The following LSAMP variants were observed in gnomAD, a reference collection of about 807,000 sequenced individuals.
The protein encoded by LSAMP is limbic system-associated membrane protein.
In LSAMP, 7 loss-of-function variants were observed where a neutral mutation model predicts 38.6. That is an observed-to-expected ratio of 0.18 (90% confidence interval 0.10 to 0.34). LSAMP has a LOEUF of 0.34. Ranked by LOEUF, LSAMP falls within the 10% of genes least tolerant of loss-of-function variation. The pLI, the probability that LSAMP is intolerant of heterozygous loss-of-function variation, is 1.00. For synonymous variants in LSAMP, 154 were observed against 166.8 expected, an observed-to-expected ratio of 0.92 and a Z score of 0.59; for missense variants, 313 against 420.0, an observed-to-expected ratio of 0.75 and a Z score of 2.23.
chr3:115,897,200 AT>A (rs1445737166), intron 3 of LSAMP, among the ~76,000 whole-genome samples: 3 of 152,054 alleles, frequency 2.0e-5, no homozygotes, highest in Non-Finnish European at 1.5e-5. Context: ...TCACCCAGCT[AT>A]TAATAAAGCT....
intron 6 of LSAMP, among the ~76,000 whole-genome samples, chr3:115,821,376 G>A (rs150588781): frequency 9.8e-4 from 149 of 152,278 alleles, no homozygotes; most frequent in African/African-American, 3.5e-3. Context: ...TTTCAGTCTT[G>A]ACTTTTGACA....
At chr3:116,164,670 AATATAT>A in intron 1 of LSAMP, among the ~76,000 whole-genome samples, 1 of 132,920 alleles carries the variant, frequency 7.5e-6, no homozygotes, top group East Asian at 2.1e-4. Flanking sequence ...ATATAATCCA[AATATAT>A]ATATATAATC....
At chr3:116,247,019 G>A (rs914020044) in intron 1 of LSAMP, among the ~76,000 whole-genome samples, 4 of 151,974 alleles carry the variant, frequency 2.6e-5, no homozygotes, top group South Asian at 2.1e-4. Flanking sequence ...ATAAAGACAC[G>A]GTCAGGAGAT....
At chr3:116,092,705 C>A (rs1217761975) in intron 1 of LSAMP, among the ~76,000 whole-genome samples, 1 of 152,110 alleles carries the variant, frequency 6.6e-6, no homozygotes, top group Non-Finnish European at 1.5e-5. Flanking sequence ...ATTGACAATT[C>A]TAGTAACATT....
chr3:116,042,235 CTAAG>C (rs1414766297), intron 2 of LSAMP, among the ~76,000 whole-genome samples: 1 of 152,108 alleles, frequency 6.6e-6, no homozygotes, highest in African/African-American at 2.4e-5. Flanking sequence ...TGAGCACTTA[CTAAG>C]TGTTTTGCAC....
At chr3:116,201,685 G>A (rs926944973) in intron 1 of LSAMP, among the ~76,000 whole-genome samples, 1 of 152,178 alleles carries the variant, frequency 6.6e-6, no homozygotes. Flanking sequence ...TGAATGCTGT[G>A]TTTCATAGCC....
intron 1 of LSAMP, among the ~76,000 whole-genome samples, chr3:116,367,591 G>A (rs2048371220): frequency 1.4e-5 from 2 of 147,640 alleles, no homozygotes; most frequent in South Asian, 4.2e-4. Flanking sequence ...TGCAACATCT[G>A]CCTCTCAGGT....
At chr3:116,173,769 G>C (rs1213496596) in intron 1 of LSAMP, among the ~76,000 whole-genome samples, 1 of 121,814 alleles carries the variant, frequency 8.2e-6, no homozygotes, top group African/African-American at 3.2e-5. Context: ...AATAGAAGAA[G>C]AGGGGAAAAC....
At chr3:115,916,124 TAG>T (rs949435940) in intron 3 of LSAMP, among the ~76,000 whole-genome samples, 2 of 151,988 alleles carry the variant, frequency 1.3e-5, no homozygotes, top group Non-Finnish European at 2.9e-5. Flanking sequence ...GATCATTCAA[TAG>T]AGAGATAAAT....
In LSAMP at chr3:116,334,830, C is replaced by A. The variant is rs866376145; in HGVS notation, c.155+110047G>T. 1.4e-4 allele frequency among the ~76,000 whole-genome samples: 22 copies of A among 152,118 alleles called. 1 individual carries two copies. The Middle Eastern group carries it at 0.02, about 141-fold the overall frequency. On this transcript the variant is annotated intron_variant, in intron 1 of 6. Coordinates refer to ENST00000490035, the MANE Select transcript of LSAMP (RefSeq NM_002338.5). ...AGCTTTTCCTGTGTAGGAATCAAAG[C>A]AAGGACTTGCACTTTCACTATTTCT...
At chr3:115,952,133 A>T (rs1938311496) in intron 3 of LSAMP, among the ~76,000 whole-genome samples, 1 of 152,206 alleles carries the variant, frequency 6.6e-6, no homozygotes, top group Non-Finnish European at 1.5e-5. Context: ...GTAGATTAGT[A>T]TAATCACAAC....
At chr3:116,051,280 A>C (rs1387513344) in intron 2 of LSAMP, 2 of 152,186 alleles carry the variant, frequency 1.3e-5, no homozygotes, top group Non-Finnish European at 2.9e-5. Context: ...GGTTTAAAAT[A>C]GCTTTCCTGC....
At chr3:116,395,259 T>C (rs2048754083) in intron 1 of LSAMP, among the ~76,000 whole-genome samples, 1 of 152,188 alleles carries the variant, frequency 6.6e-6, no homozygotes, top group Non-Finnish European at 1.5e-5. Flanking sequence ...ATTCCCAGTG[T>C]TCACATTAGA....
intron 1 of LSAMP, among the ~76,000 whole-genome samples, chr3:116,209,662 A>G (rs1043641151): frequency 3.3e-5 from 5 of 152,106 alleles, no homozygotes; most frequent in African/African-American, 9.7e-5. Flanking sequence ...CCAAACGCAA[A>G]CAGTGATCAA....
chr3:116,238,833 G>T (rs955704755), intron 1 of LSAMP, among the ~76,000 whole-genome samples: 1 of 143,022 alleles, frequency 7.0e-6, no homozygotes, highest in Non-Finnish European at 1.5e-5. Context: ...ATATAAAAAT[G>T]AAATAATGAC....
chr3:115,952,735 C>A (rs559202358), intron 3 of LSAMP, among the ~76,000 whole-genome samples: 3 of 152,188 alleles, frequency 2.0e-5, no homozygotes, highest in Admixed American at 6.5e-5. Flanking sequence ...ACTAGAAGTC[C>A]TGGTGTTCTC....
intron 1 of LSAMP, among the ~76,000 whole-genome samples, chr3:116,307,154 A>C (rs527464747): frequency 6.6e-6 from 1 of 152,128 alleles, no homozygotes; most frequent in South Asian, 2.1e-4. Flanking sequence ...TTTTAACCTA[A>C]ACCTTTGCAT....
intron 1 of LSAMP, among the ~76,000 whole-genome samples, chr3:116,208,356 G>A (rs1322455195): frequency 8.6e-5 from 13 of 151,306 alleles, no homozygotes; most frequent in East Asian, 3.9e-4. Context: ...ATGTCCTCCC[G>A]TAGCTCAGAG....
chr3:116,263,446 G>A (rs2046853394), intron 1 of LSAMP, among the ~76,000 whole-genome samples: 1 of 151,690 alleles, frequency 6.6e-6, no homozygotes, highest in Non-Finnish European at 1.5e-5. Flanking sequence ...GCTGAGGCAC[G>A]AGAATGGCTT....
Sources: gnomAD v4.1 joint callset for allele counts (sites outside exome capture counted in the v4.1 genomes callset) on GRCh38, gnomAD v4.1.1 for gene constraint, MANE v1.5 for transcripts, NCBI Gene and HGNC (gene_info 2026-07-23, HGNC 2026-07-21) for gene names.